The following NAA15 variants were observed in gnomAD, a reference collection of about 807,000 sequenced individuals.
NAA15 encodes the protein N-terminal acetyltransferase.
NAA15 carries 34 observed loss-of-function variants against 114.0 expected under a neutral mutation model. The ratio of observed to expected loss-of-function variants is 0.30; its 90% CI spans 0.23 to 0.40. NAA15 has a LOEUF of 0.40. Ranked by LOEUF, NAA15 falls within the 10% of genes least tolerant of loss-of-function variation. The pLI is 1.00. For missense variants in NAA15, 658 were observed against 1,004.5 expected, an observed-to-expected ratio of 0.66 and a Z score of 4.66; for synonymous variants, 340 against 338.0, an observed-to-expected ratio of 1.01 and a Z score of -0.06.
At chr4:139,385,290 A>AT (rs1214402719) in intron 18 of NAA15, among the ~76,000 whole-genome samples, 18 of 99,788 alleles carry the variant, frequency 1.8e-4, no homozygotes, top group Non-Finnish European at 2.7e-4. Flanking sequence ...TATAATATAT[A>AT]TATATATATA....
rs1317237669 is a variant in NAA15 at position 139,388,097 on chromosome 4, A to G, written c.*13A>G. The G allele has an allele frequency of 6.2e-7, 1 of 1,610,530 alleles. No individual in the cohort carries two copies. The highest frequency in any genetic ancestry group is 1.7e-5 in the Admixed American group (1 of 59,778). On this transcript the variant is annotated 3_prime_UTR_variant, in exon 20 of 20. Coordinates refer to ENST00000296543, the MANE Select transcript of NAA15 (RefSeq NM_057175.5). ...CAATGAAATTTGAACATCACTAAACAAGCAAATGGAATGACTTTGGACCAT... is the reference window on the plus strand; with the variant it reads ...CAATGAAATTTGAACATCACTAAACGAGCAAATGGAATGACTTTGGACCAT...
intron 18 of NAA15, 84 bp downstream of exon 18, chr4:139,385,062 T>C: frequency 8.4e-7 from 1 of 1,195,818 alleles, no homozygotes; most frequent in Non-Finnish European, 1.1e-6. Flanking sequence ...TACATGTTTT[T>C]AGAATGGAAG....
chr4:139,312,556 C>A (rs940248636), intron 1 of NAA15, among the ~76,000 whole-genome samples: 2 of 151,866 alleles, frequency 1.3e-5, no homozygotes, highest in African/African-American at 4.8e-5. Context: ...GCAATCTTTT[C>A]TTTCCTTGTT....
At chr4:139,304,718 C>A (rs1745950724) in intron 1 of NAA15, among the ~76,000 whole-genome samples, 1 of 152,102 alleles carries the variant, frequency 6.6e-6, no homozygotes, top group African/African-American at 2.4e-5. Context: ...ACTGTATTTA[C>A]TTCTATGCAG....
chr4:139,337,235 G>A (rs1414686535), intron 3 of NAA15, among the ~76,000 whole-genome samples: 1 of 152,148 alleles, frequency 6.6e-6, no homozygotes, highest in African/African-American at 2.4e-5. Flanking sequence ...GAATATTTGT[G>A]TGGCACTCCG....
At chr4:139,351,480 G>A in intron 8 of NAA15, 25 bp from the exon 9 acceptor site, 3 of 1,354,442 alleles carry the variant, frequency 2.2e-6, no homozygotes, top group East Asian at 2.3e-5. Context: ...ATAAATATAA[G>A]CGAAAAGGAT....
At chr4:139,334,806 G>A (rs1747143960) in intron 2 of NAA15, among the ~76,000 whole-genome samples, 1 of 152,080 alleles carries the variant, frequency 6.6e-6, no homozygotes, top group Non-Finnish European at 1.5e-5. Context: ...AGTTTTGGCA[G>A]GTCTGATTTG....
chr4:139,378,908 G>A (rs1408093237), intron 17 of NAA15, 54 bp downstream of exon 17: 9 of 1,069,830 alleles, frequency 8.4e-6, no homozygotes, highest in Middle Eastern at 2.0e-4. Flanking sequence ...TGATGGTGAC[G>A]GTATAAGTGG....
rs369324677 is a variant in NAA15 at position 139,354,081 on chromosome 4, G to A, written c.1070G>A (p.Arg357Gln). 2.8e-5 allele frequency: 45 copies of A among 1,613,084 alleles called. No individual in the cohort carries two copies. Among genetic ancestry groups the A allele is most frequent in the South Asian group, 1.4e-4 (13 of 90,994 alleles). ...VGYETSLKSC[R>Q]LFNPNDDGKE... is the part of the protein sequence containing the mutation. ...TATGAAACCTCTCTAAAAAGCTGCCGGTTATTTAACCCCAATGGTAAGTCC... is the reference window on the plus strand; with the variant it reads ...TATGAAACCTCTCTAAAAAGCTGCCAGTTATTTAACCCCAATGGTAAGTCC... Residue 357 changes from arginine (R) to glutamine (Q), a missense_variant, in exon 10 of 20, where the codon CGG becomes CAG. By Grantham distance (43) the Arg-to-Gln change is conservative. This residue lies in a region of NAA15 where 281 missense variants were observed against 389.1 expected (regional missense o/e 0.72). Transcript: ENST00000296543.
chr4:139,357,304 T>C, intron 10 of NAA15, 82 bp from the exon 11 acceptor site: 1 of 1,179,418 alleles, frequency 8.5e-7, no homozygotes, highest in Non-Finnish European at 1.2e-6. Context: ...CCTCCCTTGT[T>C]AATAAACATA....
intron 18 of NAA15, among the ~76,000 whole-genome samples, chr4:139,385,393 T>C (rs1207357818): frequency 6.7e-6 from 1 of 149,324 alleles, no homozygotes; most frequent in Non-Finnish European, 1.5e-5. Context: ...TCTCTTCTGG[T>C]TCAGCATTGG....
intron 15 of NAA15, among the ~76,000 whole-genome samples, chr4:139,371,546 A>C (rs1428087507): frequency 8.2e-6 from 1 of 122,074 alleles, no homozygotes; most frequent in East Asian, 3.0e-4. Context: ...CACACACGAA[A>C]TATAGAAAAA....
At chr4:139,366,857 C>T (rs1322299980) in intron 14 of NAA15, among the ~76,000 whole-genome samples, 2 of 152,176 alleles carry the variant, frequency 1.3e-5, no homozygotes, top group African/African-American at 4.8e-5. Context: ...GATCCTCTTG[C>T]CTTGGCCTCC....
intron 1 of NAA15, among the ~76,000 whole-genome samples, chr4:139,326,382 A>G (rs1746800973): frequency 6.6e-6 from 1 of 152,200 alleles, no homozygotes; most frequent in South Asian, 2.1e-4. Context: ...AGCACTTAGC[A>G]CAGTGCCTGG....
In NAA15 at chr4:139,389,147, G is replaced by C. The variant is rs925611804; in HGVS notation, c.*1063G>C. 2.7e-5 allele frequency: 4 copies of C among 146,630 alleles called. No homozygotes were observed. The highest frequency in any genetic ancestry group is 6.0e-5 in the Non-Finnish European group (4 of 67,030). 9.1% of individuals were successfully genotyped at this position (146,630 alleles called of 1,614,324 possible). ...TTTCTAAGAATATATTTCTTGCTCA[G>C]TTGTTTCAGGCAAGCCCAAGACTTT... is the stretch of plus-strand genomic sequence containing the variant. On this transcript the variant is annotated 3_prime_UTR_variant, in exon 20 of 20. Coordinates refer to ENST00000296543, the MANE Select transcript of NAA15 (RefSeq NM_057175.5).
chr4:139,324,393 C>G (rs1198892432), intron 1 of NAA15, among the ~76,000 whole-genome samples: 7 of 152,098 alleles, frequency 4.6e-5, no homozygotes, highest in South Asian at 4.1e-4. Flanking sequence ...CAAGGGAAAT[C>G]CTTATTCACA....
At chr4:139,346,544 CAA>C (rs1281772692) in intron 6 of NAA15, among the ~76,000 whole-genome samples, 106 of 134,796 alleles carry the variant, frequency 7.9e-4, no homozygotes, top group African/African-American at 2.9e-3. Context: ...CACAGTTAGG[CAA>C]AAAAAAAATT....
intron 1 of NAA15, among the ~76,000 whole-genome samples, chr4:139,304,622 C>T (rs79257846): frequency 0.055 from 8,319 of 152,240 alleles, 257 homozygotes; most frequent in East Asian, 0.099. Flanking sequence ...TATAGTTATA[C>T]TGTATTTTAA....
intron 1 of NAA15, among the ~76,000 whole-genome samples, chr4:139,310,859 T>C (rs569845675): frequency 9.2e-5 from 14 of 151,900 alleles, no homozygotes; most frequent in African/African-American, 3.4e-4. Context: ...CCTCAGGTGA[T>C]CCACCTGCCT....
Sources: allele counts gnomAD v4.1 joint callset (sites outside exome capture counted in the v4.1 genomes callset), GRCh38; gene constraint gnomAD v4.1.1; regional missense constraint gnomAD v4.1.1; transcripts MANE v1.5; gene names NCBI Gene and HGNC (gene_info 2026-07-23, HGNC 2026-07-21).